The following PCDHAC2 variants were observed in gnomAD, a reference collection of about 807,000 sequenced individuals.
PCDHAC2 encodes the protein protocadherin alpha-C2.
Under a neutral mutation model 63.3 loss-of-function variants are expected in PCDHAC2, and 24 were observed. The observed-to-expected ratio is 0.38, with a 90% CI of 0.27 to 0.53. The LOEUF (loss-of-function observed/expected upper bound fraction) is 0.53. Ranked by LOEUF, PCDHAC2 falls within the 20% of genes least tolerant of loss-of-function variation. The pLI is 0.81. For synonymous variants in PCDHAC2, 569 were observed against 529.4 expected (o/e 1.07, Z -1.03); for missense variants, 1,181 against 1,275.2 (o/e 0.93, Z 1.12).
At chr5:141,000,393 CTCTATATATA>C (rs1279908183) in intron 3 of PCDHAC2, among the ~76,000 whole-genome samples, 25 of 52,852 alleles carry the variant, frequency 4.7e-4, no homozygotes, top group South Asian at 8.2e-4. Flanking sequence ...CTCTCTCTCT[CTCTATATATA>C]TATATATATA....
chr5:140,987,165 G>A lies in PCDHAC2; in HGVS notation c.2713+4602G>A, dbSNP rs191129148. Among the ~76,000 whole-genome samples, 1,195 of 151,202 alleles carry A rather than the reference G, an allele frequency of 7.9e-3. 19 individuals are homozygous for A. The highest frequency in any genetic ancestry group is 0.027 in the African/African-American group (1,126 of 41,156). On this transcript the variant is annotated intron_variant, in intron 3 of 3. Transcript: ENST00000289269. ...GGAGGTGGAGGTTGCAGTGAGCTGA[G>A]ATTGCACCACTGCACTCCAGCCTGG...
intron 1 of PCDHAC2, among the ~76,000 whole-genome samples, chr5:140,975,697 AT>A (rs1375810410): frequency 1.3e-5 from 2 of 152,182 alleles, no homozygotes; most frequent in African/African-American, 4.8e-5. Flanking sequence ...TTTTAAACTT[AT>A]TTTACTTTAA....
At chr5:140,983,882 A>G (rs1203287819) in intron 3 of PCDHAC2, among the ~76,000 whole-genome samples, 2 of 152,224 alleles carry the variant, frequency 1.3e-5, no homozygotes, top group East Asian at 3.8e-4. Flanking sequence ...TTTACTGGCA[A>G]CTTTAAGGGC....
chr5:140,980,057 C>T (rs559895684), intron 2 of PCDHAC2, among the ~76,000 whole-genome samples: 2 of 152,272 alleles, frequency 1.3e-5, no homozygotes, highest in East Asian at 3.9e-4. Context: ...GATTCAGAAG[C>T]AATCAGTGAA....
intron 3 of PCDHAC2, 146 bp downstream of exon 3, chr5:140,982,709 A>G (rs2096998107): frequency 2.2e-6 from 3 of 1,375,182 alleles, no homozygotes; most frequent in Admixed American, 2.9e-5. Flanking sequence ...ATTTCCTTAC[A>G]TATATGATTA....
At position 140,969,448 on chromosome 5, in the gene PCDHAC2, G is replaced by A. The variant is rs781843317; in HGVS notation, c.2565+117G>A. 468 of 1,537,938 alleles carry A rather than the reference G, an allele frequency of 3.0e-4. 1 individual carries two copies. Among genetic ancestry groups the A allele is most frequent in the Non-Finnish European group, 4.0e-4 (459 of 1,139,778 alleles). On this transcript the variant is annotated intron_variant, in intron 1 of 3. Coordinates refer to ENST00000289269, the MANE Select transcript of PCDHAC2 (RefSeq NM_018899.6). ...AGTGACAAGAGTTATCTGGTAAACT[G>A]AGTATATATAGTATCCACAATTTGA...
rs1443872198 is a variant in PCDHAC2, at chr5:140,967,345, CGAGCTG to C, written c.582_587del (p.Glu194_Leu195del). The C allele has an allele frequency of 1.2e-6, 2 of 1,607,634 alleles. No individual in the cohort carries two copies. Among genetic ancestry groups the C allele is most frequent in the Non-Finnish European group, 1.7e-6 (2 of 1,175,666 alleles). On this transcript the variant is annotated inframe_deletion, in exon 1 of 4. Coordinates refer to ENST00000289269, the MANE Select transcript of PCDHAC2 (RefSeq NM_018899.6). Reference sequence around the variant, plus strand: ...ACGAGCTCAGCCCCAGCGAGCACTTCGAGCTGGACCTTAAGCCCCTGCAGGAGAACA... The same window carrying C: ...ACGAGCTCAGCCCCAGCGAGCACTTCGACCTTAAGCCCCTGCAGGAGAACA...
chr5:141,007,158 A>C (rs1231758700), intron 3 of PCDHAC2, among the ~76,000 whole-genome samples: 1 of 152,198 alleles, frequency 6.6e-6, no homozygotes, highest in African/African-American at 2.4e-5. Context: ...CTGTCAAAGA[A>C]CAGTCAGAGA....
At chr5:140,978,769 T>C in intron 1 of PCDHAC2, 180 bp from the exon 2 acceptor site, 1 of 957,338 alleles carries the variant, frequency 1.0e-6, no homozygotes, top group Non-Finnish European at 1.2e-6. Flanking sequence ...CCTGATGAAC[T>C]AATTTTCTTC....
In PCDHAC2 at chr5:141,009,929, G is replaced by A; in HGVS notation, c.3016G>A (p.Asp1006Asn). The A allele has an allele frequency of 1.2e-6, 2 of 1,603,732 alleles. No individual in the cohort carries two copies. Among genetic ancestry groups the A allele is most frequent in the Non-Finnish European group, 1.7e-6 (2 of 1,176,576 alleles). Residue 1006 changes from aspartate to asparagine, a missense_variant, in exon 4 of 4, where the codon GAC (aspartate) becomes AAC (asparagine). Transcript: ENST00000289269. ...AGGGAACAGCACGACTGACAACAGT[G>A]ACCAGTGAGGTCCTCAAATGGAAAC... is the stretch of plus-strand genomic sequence containing the variant. ...EKGNSTTDNSDQ is the reference protein window; with the variant it reads ...EKGNSTTDNSNQ
At chr5:140,987,296 A>G (rs782162576) in intron 3 of PCDHAC2, among the ~76,000 whole-genome samples, 1 of 152,126 alleles carries the variant, frequency 6.6e-6, no homozygotes, top group African/African-American at 2.4e-5. Context: ...CAAGCCTTCT[A>G]TGTGATACCA....
At chr5:140,997,884 C>G (rs2097789340) in intron 3 of PCDHAC2, among the ~76,000 whole-genome samples, 1 of 152,076 alleles carries the variant, frequency 6.6e-6, no homozygotes, top group African/African-American at 2.4e-5. Context: ...AGTATTTATA[C>G]AGGATAAATT....
intron 1 of PCDHAC2, among the ~76,000 whole-genome samples, chr5:140,978,640 G>T (rs1339340351): frequency 6.6e-6 from 1 of 152,252 alleles, no homozygotes; most frequent in African/African-American, 2.4e-5. Flanking sequence ...TCTCAAAGCA[G>T]ACTGTTCTTC....
At chr5:141,003,307 C>T (rs2153977029) in intron 3 of PCDHAC2, among the ~76,000 whole-genome samples, 1 of 152,252 alleles carries the variant, frequency 6.6e-6, no homozygotes. Flanking sequence ...ATGAAGTGGC[C>T]AGCTACTTCC....
intron 3 of PCDHAC2, among the ~76,000 whole-genome samples, chr5:141,004,378 G>C (rs914260481): frequency 6.6e-6 from 1 of 152,316 alleles, no homozygotes; most frequent in South Asian, 2.1e-4. Context: ...TCTGCTCTGC[G>C]GAAGCTGGAC....
chr5:140,988,551 ATCT>A (rs1472655983), intron 3 of PCDHAC2, among the ~76,000 whole-genome samples: 4 of 152,158 alleles, frequency 2.6e-5, no homozygotes, highest in South Asian at 2.1e-4. Flanking sequence ...GACTTTCTTC[ATCT>A]TCTTCTTGGG....
Position 141,004,377 on chromosome 5 carries a change from C to T in PCDHAC2, c.2714-5250C>T, listed in dbSNP as rs567018582. Among the ~76,000 whole-genome samples the T allele has an allele frequency of 3.9e-5, 6 of 152,294 alleles. No homozygotes were observed. The South Asian group carries it at 6.2e-4, about 16-fold the overall frequency. ...AGAGACCACACCTTGTTCTGCTCTG[C>T]GGAAGCTGGACATGTGGAGGAGGCA... On this transcript the variant is annotated intron_variant, in intron 3 of 3. Coordinates refer to ENST00000289269, the MANE Select transcript of PCDHAC2 (RefSeq NM_018899.6).
chr5:140,997,668 TTG>T (rs35184029), intron 3 of PCDHAC2, among the ~76,000 whole-genome samples: 38,693 of 147,760 alleles, frequency 0.26, 5,114 homozygotes, highest in Middle Eastern at 0.39. Flanking sequence ...ATTATACAGC[TTG>T]TGTGTGTGTG....
chr5:140,971,805 T>C (rs938421537), intron 1 of PCDHAC2, among the ~76,000 whole-genome samples: 1 of 152,166 alleles, frequency 6.6e-6, no homozygotes, highest in Non-Finnish European at 1.5e-5. Flanking sequence ...AATATTATAA[T>C]ATTGAATACA....
Sources: allele counts gnomAD v4.1 joint callset (sites outside exome capture counted in the v4.1 genomes callset), GRCh38; gene constraint gnomAD v4.1.1; transcripts MANE v1.5; gene names NCBI Gene and HGNC (gene_info 2026-07-23, HGNC 2026-07-21).